Variants in CPNE4 observed in about 807,000 individuals in gnomAD.
CPNE4 encodes copine-4.
Under a neutral mutation model 67.9 loss-of-function variants are expected in CPNE4, and 25 were observed. The ratio of observed to expected loss-of-function variants is 0.37; its 90% CI spans 0.27 to 0.51. The LOEUF is 0.51. CPNE4 is among the 20% of genes least tolerant of loss of function. The probability of loss-of-function intolerance (pLI) is 0.93; values close to 1 mark genes in which losing one functional copy is unlikely to be tolerated. For synonymous variants in CPNE4, 242 were observed against 244.9 expected, an observed-to-expected ratio of 0.99 and a Z score of 0.11; for missense variants, 464 against 690.8, an observed-to-expected ratio of 0.67 and a Z score of 3.68.
Position 131,768,044 on chromosome 3 carries a change from A to G in CPNE4, c.181-44419T>C, listed in dbSNP as rs1583167154. Among the ~76,000 whole-genome samples, 3 of 152,220 alleles carry G rather than the reference A, an allele frequency of 2.0e-5. No homozygotes were observed. In the South Asian group the frequency reaches 6.2e-4, roughly 32 times the overall value. The stretch of plus-strand genomic sequence containing the variant: ...TGACTAGTATATCTGGAATCCAAAT[A>G]CCTAGTGGAAGAGGAGGCTGAGATT... On this transcript the variant is annotated intron_variant, in intron 2 of 15. Transcript: ENST00000429747.
chr3:131,660,833 C>A (rs1319358360), intron 7 of CPNE4, among the ~76,000 whole-genome samples: 1 of 152,166 alleles, frequency 6.6e-6, no homozygotes. Flanking sequence ...GTTTCTCTTG[C>A]CATTTACTGT....
intron 2 of CPNE4, among the ~76,000 whole-genome samples, chr3:131,726,656 A>C (rs1217934629): frequency 4.3e-5 from 6 of 138,856 alleles, no homozygotes; most frequent in African/African-American, 1.6e-4. Context: ...CATCAGGGTC[A>C]AGGCAGTTTT....
At chr3:132,019,165 A>C (rs537903270) in intron 1 of CPNE4, among the ~76,000 whole-genome samples, 1 of 152,354 alleles carries the variant, frequency 6.6e-6, no homozygotes, top group African/African-American at 2.4e-5. Flanking sequence ...AAAAATAGGA[A>C]AAGCTCTGAA....
At chr3:131,845,635 G>GT (rs1255565518) in intron 2 of CPNE4, among the ~76,000 whole-genome samples, 2 of 151,980 alleles carry the variant, frequency 1.3e-5, no homozygotes, top group African/African-American at 2.4e-5. Flanking sequence ...ATGTCTAAGG[G>GT]TATTTTTCAG....
At chr3:131,690,099 A>T (rs1194222152) in intron 5 of CPNE4, among the ~76,000 whole-genome samples, 1 of 152,214 alleles carries the variant, frequency 6.6e-6, no homozygotes, top group Non-Finnish European at 1.5e-5. Context: ...CAATATTGCT[A>T]AAATGGCCAT....
At chr3:131,960,530 A>G (rs1359135538) in intron 1 of CPNE4, among the ~76,000 whole-genome samples, 1 of 152,216 alleles carries the variant, frequency 6.6e-6, no homozygotes, top group Non-Finnish European at 1.5e-5. Context: ...CCTATTGTCC[A>G]ATAATCATAT....
At chr3:131,547,978 C>G (rs1232098501) in intron 14 of CPNE4, among the ~76,000 whole-genome samples, 2 of 152,074 alleles carry the variant, frequency 1.3e-5, no homozygotes, top group African/African-American at 4.8e-5. Context: ...TTCCTATTCC[C>G]TTGTAGGAAT....
intron 1 of CPNE4, among the ~76,000 whole-genome samples, chr3:131,941,640 AT>A (rs1241686909): frequency 6.6e-6 from 1 of 152,110 alleles, no homozygotes; most frequent in Non-Finnish European, 1.5e-5. Context: ...TTATAAAGTG[AT>A]TCAATAAAAG....
At chr3:131,988,807 A>G (rs915247062) in intron 1 of CPNE4, among the ~76,000 whole-genome samples, 31 of 152,354 alleles carry the variant, frequency 2.0e-4, no homozygotes, top group African/African-American at 7.5e-4. Flanking sequence ...ATGTTTGACA[A>G]TGATACCTCT....
chr3:131,760,958 G>A (rs907976349), intron 2 of CPNE4, among the ~76,000 whole-genome samples: 3 of 152,032 alleles, frequency 2.0e-5, no homozygotes, highest in East Asian at 1.9e-4. Flanking sequence ...TTTTCTTAGC[G>A]GCTGGATAAA....
chr3:131,605,722 T>G (rs1939461186), intron 7 of CPNE4, among the ~76,000 whole-genome samples: 1 of 152,024 alleles, frequency 6.6e-6, no homozygotes, highest in Non-Finnish European at 1.5e-5. Context: ...ATAAAGATAT[T>G]AAGGAAGAAA....
rs538740963 is a variant in CPNE4 at position 132,007,089 on chromosome 3, G to A, written c.-2+27478C>T. 2.0e-4 allele frequency among the ~76,000 whole-genome samples: 31 copies of A among 152,170 alleles called. No individual in the cohort carries two copies. The East Asian group carries it at 5.8e-3, about 29-fold the overall frequency. ...GATGTGCTCGGCACCTCTACCAGGT[G>A]GATTTTTCTAGAATGTATGATCCAT... is the stretch of plus-strand genomic sequence containing the variant. On this transcript the variant is annotated intron_variant, in intron 1 of 15. Transcript: ENST00000429747.
At chr3:132,025,430 T>C (rs573217777) in intron 1 of CPNE4, among the ~76,000 whole-genome samples, 16 of 152,294 alleles carry the variant, frequency 1.1e-4, no homozygotes, top group African/African-American at 3.4e-4. Flanking sequence ...GAGTCACCTT[T>C]TGTGGCTGGG....
intron 1 of CPNE4, among the ~76,000 whole-genome samples, chr3:131,974,323 T>C (rs1018901536): frequency 6.6e-6 from 1 of 152,224 alleles, no homozygotes; most frequent in Admixed American, 6.5e-5. Context: ...TGCCTGCATC[T>C]ATACACACAT....
At chr3:131,698,522 A>C (rs1300758529) in intron 4 of CPNE4, among the ~76,000 whole-genome samples, 1 of 152,002 alleles carries the variant, frequency 6.6e-6, no homozygotes, top group Non-Finnish European at 1.5e-5. Flanking sequence ...AGTGTCATTT[A>C]AAATATTCAA....
chr3:132,035,045 G>A, upstream of CPNE4: 1 of 985,480 alleles, frequency 1.0e-6, no homozygotes, highest in Non-Finnish European at 1.2e-6. Context: ...CCCGGCAAGA[G>A]ACTGGTTCCG....
chr3:131,929,950 G>GAT (rs2071007691), intron 1 of CPNE4, among the ~76,000 whole-genome samples: 1 of 152,140 alleles, frequency 6.6e-6, no homozygotes, highest in South Asian at 2.1e-4. Flanking sequence ...CCATGTATAA[G>GAT]ATCCACATGC....
chr3:131,964,327 C>T (rs140958798), intron 1 of CPNE4, among the ~76,000 whole-genome samples: 3,546 of 152,038 alleles, frequency 0.023, 138 homozygotes, highest in African/African-American at 0.08. Flanking sequence ...TCCAAATGAT[C>T]GCAACTCCTC....
chr3:131,753,433 A>G (rs1412080541), intron 2 of CPNE4, among the ~76,000 whole-genome samples: 1 of 152,184 alleles, frequency 6.6e-6, no homozygotes, highest in Non-Finnish European at 1.5e-5. Flanking sequence ...TTGGCTACAT[A>G]AAACAATAAA....
Sources: allele counts gnomAD v4.1 joint callset (sites outside exome capture counted in the v4.1 genomes callset), GRCh38; gene constraint gnomAD v4.1.1; transcripts MANE v1.5; gene names NCBI Gene and HGNC (gene_info 2026-07-23, HGNC 2026-07-21).